Variants in SPINT2 observed in about 807,000 individuals in gnomAD.
The protein encoded by SPINT2 is serine peptidase inhibitor, Kunitz type 2.
In SPINT2, 18 loss-of-function variants were observed where a neutral mutation model predicts 30.1. The ratio of observed to expected loss-of-function variants is 0.60; its 90% confidence interval spans 0.41 to 0.89. The LOEUF (loss-of-function observed/expected upper bound fraction) is 0.89. SPINT2 is among the 40% of genes least tolerant of loss of function. SPINT2 has a pLI of 0.00. For missense variants in SPINT2, 276 were observed against 334.3 expected, an observed-to-expected ratio of 0.83 and a Z score of 1.36; for synonymous variants, 139 against 137.9, an observed-to-expected ratio of 1.01 and a Z score of -0.05.
intron 1 of SPINT2, among the ~76,000 whole-genome samples, chr19:38,267,671 G>C (rs1225223503): frequency 2.6e-5 from 4 of 152,028 alleles, no homozygotes; most frequent in Non-Finnish European, 5.9e-5. Flanking sequence ...GGTGGGAGGA[G>C]ATCAGGTGGA....
In SPINT2 at chr19:38,264,810, G is replaced by C. The variant is rs919293902; in HGVS notation, c.-83G>C. The C allele has an allele frequency of 3.6e-6, 5 of 1,404,702 alleles. No individual in the cohort carries two copies. The highest frequency in any genetic ancestry group is 4.8e-6 in the Non-Finnish European group (5 of 1,034,186). 87.0% of individuals were successfully genotyped at this position (1,404,702 alleles called of 1,614,324 possible). A position where few individuals can be genotyped will look rare whatever the true frequency, so the allele number is the denominator to read the frequency against. On this transcript the variant is annotated 5_prime_UTR_variant, in exon 1 of 7. Transcript: ENST00000301244. ...CTGAACGCGAGGCGCTCCATTGCGCGTGCGCGTTGAGGGGCTTCCCGCACC... is the reference window on the plus strand; with the variant it reads ...CTGAACGCGAGGCGCTCCATTGCGCCTGCGCGTTGAGGGGCTTCCCGCACC...
At chr19:38,280,541 A>C (rs1039955053) in intron 1 of SPINT2, among the ~76,000 whole-genome samples, 3 of 152,106 alleles carry the variant, frequency 2.0e-5, no homozygotes, top group African/African-American at 7.2e-5. Context: ...GCACGAGGGC[A>C]CTGGCAAGAG....
chr19:38,288,458 C>T (rs558171346), intron 3 of SPINT2: 5 of 248,382 alleles, frequency 2.0e-5, no homozygotes, highest in Non-Finnish European at 4.0e-5. Context: ...CCCCATTCCT[C>T]CTTTATGGTT....
At chr19:38,265,880 A>G (rs1568336854) in intron 1 of SPINT2, among the ~76,000 whole-genome samples, 1 of 152,238 alleles carries the variant, frequency 6.6e-6, no homozygotes, top group Non-Finnish European at 1.5e-5. Context: ...TCACAGAGCT[A>G]ATATTCCAGT....
At chr19:38,286,547 G>A (rs1008262769) in intron 2 of SPINT2, among the ~76,000 whole-genome samples, 10 of 152,166 alleles carry the variant, frequency 6.6e-5, no homozygotes, top group East Asian at 1.9e-4. Flanking sequence ...TTGGGAGGCC[G>A]AGGTGGGCAG....
chr19:38,271,357 TG>T (rs1310852037), intron 1 of SPINT2, among the ~76,000 whole-genome samples: 1 of 151,234 alleles, frequency 6.6e-6, no homozygotes, highest in African/African-American at 2.4e-5. Flanking sequence ...CCTCGCGTGG[TG>T]GCGGGCGCCT....
chr19:38,291,930 A>G lies in SPINT2; in HGVS notation c.683A>G (p.Gln228Arg). The G allele has an allele frequency of 6.2e-7, 1 of 1,614,172 alleles. No homozygotes were observed. The highest frequency in any genetic ancestry group is 1.1e-5 in the South Asian group (1 of 91,068). The change falls in exon 7 of 7, where the codon CAG (glutamine) becomes CGG (arginine). Residue 228 changes from glutamine (Q) to arginine (R), a missense_variant. Physicochemically the swap from Gln to Arg is conservative, Grantham distance 43. Coordinates refer to ENST00000301244, the MANE Select transcript of SPINT2 (RefSeq NM_021102.4). ...CTGATCCGGGTGGCACGGAGGAACC[A>G]GGAGCGTGCCCTGCGCACCGTCTGG... is the stretch of plus-strand genomic sequence containing the variant. Reference protein sequence around the residue: ...VYLIRVARRNQERALRTVWSS... With the variant: ...VYLIRVARRNRERALRTVWSS...
At chr19:38,269,930 G>T (rs12979618) in intron 1 of SPINT2, among the ~76,000 whole-genome samples, 35,026 of 127,448 alleles carry the variant, frequency 0.27, 5,391 homozygotes, top group East Asian at 0.42. Flanking sequence ...TTCAACATGT[G>T]GGCCAGGCTG....
At chr19:38,282,708 C>CGT (rs1968593533) in intron 1 of SPINT2, among the ~76,000 whole-genome samples, 1 of 152,162 alleles carries the variant, frequency 6.6e-6, no homozygotes, top group South Asian at 2.1e-4. Context: ...TGTAACAAGC[C>CGT]GTGGTGCAGG....
At chr19:38,289,625 TG>T (rs922021805) in intron 4 of SPINT2, 1 of 246,850 alleles carries the variant, frequency 4.1e-6, no homozygotes, top group African/African-American at 2.3e-5. Flanking sequence ...CCTCCCCAGG[TG>T]GTGGCAGCCC....
chr19:38,277,665 A>G (rs1968536695), intron 1 of SPINT2, among the ~76,000 whole-genome samples: 2 of 152,220 alleles, frequency 1.3e-5, no homozygotes, highest in South Asian at 2.1e-4. Context: ...TGACTTCAGA[A>G]CCAGAGAAAC....
In SPINT2 at chr19:38,276,031, A is replaced by G. The variant is rs1446723805; in HGVS notation, c.107-7596A>G. Among the ~76,000 whole-genome samples the G allele has an allele frequency of 2.0e-5, 3 of 152,144 alleles. No homozygotes were observed. In the South Asian group the frequency reaches 6.2e-4, roughly 32 times the overall value. On this transcript the variant is annotated intron_variant, in intron 1 of 6. Coordinates refer to ENST00000301244, the MANE Select transcript of SPINT2 (RefSeq NM_021102.4). ...TGTGAGCCACCACGCCCAGCTGACA[A>G]AAATTTTTAAATGTCATTGAGCAGT... is the stretch of plus-strand genomic sequence containing the variant.
intron 1 of SPINT2, among the ~76,000 whole-genome samples, chr19:38,272,448 C>G (rs1968468547): frequency 1.3e-5 from 2 of 152,102 alleles, no homozygotes; most frequent in African/African-American, 4.8e-5. Context: ...TTGAGAAACA[C>G]CATTCCAGAG....
intron 1 of SPINT2, among the ~76,000 whole-genome samples, chr19:38,269,925 C>A (rs1018614020): frequency 1.3e-5 from 2 of 152,212 alleles, no homozygotes; most frequent in Non-Finnish European, 2.9e-5. Flanking sequence ...GGGATTTCAA[C>A]ATGTGGGCCA....
At chr19:38,282,794 C>T (rs568928044) in intron 1 of SPINT2, among the ~76,000 whole-genome samples, 1 of 152,336 alleles carries the variant, frequency 6.6e-6, no homozygotes, top group African/African-American at 2.4e-5. Flanking sequence ...TTCTGAGGCT[C>T]TTCCAGTAAT....
At chr19:38,273,243 T>C (rs1968477378) in intron 1 of SPINT2, among the ~76,000 whole-genome samples, 1 of 152,184 alleles carries the variant, frequency 6.6e-6, no homozygotes. Flanking sequence ...AGTTGGTAGC[T>C]TTCTGTACTG....
rs768114317 is a variant in SPINT2, at chr19:38,290,315, C to T, written c.553+35C>T. 1.9e-6 allele frequency: 3 copies of T among 1,605,602 alleles called. No homozygotes were observed. In the African/African-American group the frequency reaches 4.0e-5, roughly 21 times the overall value. On this transcript the variant is annotated intron_variant, in intron 5 of 6. Coordinates refer to ENST00000301244, the MANE Select transcript of SPINT2 (RefSeq NM_021102.4). This position sits in a 1 kb window ranked among gnomAD's most constrained non-coding sequence, Gnocchi z 4.3. The stretch of plus-strand genomic sequence containing the variant: ...CAGCCCCTCAGCCCAGGAAGCCCTG[C>T]CCTTGAGGACCCCGGTCCATCTCCC...
intron 6 of SPINT2, 74 bp from the exon 7 acceptor site, chr19:38,291,766 G>C: frequency 3.2e-6 from 5 of 1,562,604 alleles, no homozygotes; most frequent in Non-Finnish European, 4.3e-6. Context: ...GGATTCCCCA[G>C]GCCCTTGGTG....
chr19:38,276,300 CTG>C (rs1190209556), intron 1 of SPINT2, among the ~76,000 whole-genome samples: 1 of 152,146 alleles, frequency 6.6e-6, no homozygotes, highest in Non-Finnish European at 1.5e-5. Flanking sequence ...TCATGGGAGT[CTG>C]TCAATAACTA....
Sources: allele counts gnomAD v4.1 joint callset (sites outside exome capture counted in the v4.1 genomes callset), GRCh38; gene constraint gnomAD v4.1.1; non-coding constraint Gnocchi (gnomAD v3.1); transcripts MANE v1.5; gene names NCBI Gene and HGNC (gene_info 2026-07-23, HGNC 2026-07-21).